The following ZDHHC3 variants were observed in gnomAD, a reference collection of about 807,000 sequenced individuals.
ZDHHC3 encodes the protein palmitoyltransferase ZDHHC3.
A neutral mutation model predicts 30.6 loss-of-function variants in ZDHHC3; 9 were observed. The ratio of observed to expected loss-of-function variants is 0.29; its 90% CI spans 0.18 to 0.51. The LOEUF is 0.51. ZDHHC3 is among the 20% of genes least tolerant of loss of function. ZDHHC3 has a pLI of 0.97. For synonymous variants in ZDHHC3, 136 were observed against 140.2 expected, an observed-to-expected ratio of 0.97 and a Z score of 0.21; for missense variants, 246 against 384.2, an observed-to-expected ratio of 0.64 and a Z score of 3.01.
intron 2 of ZDHHC3, among the ~76,000 whole-genome samples, chr3:44,946,386 C>T (rs1702934253): frequency 6.6e-6 from 1 of 152,154 alleles, no homozygotes; most frequent in African/African-American, 2.4e-5. Flanking sequence ...AGTGCACAGG[C>T]CTAAGTAGGG....
chr3:44,929,018 G>A (rs1253965938), intron 6 of ZDHHC3, among the ~76,000 whole-genome samples: 1 of 152,198 alleles, frequency 6.6e-6, no homozygotes, highest in South Asian at 2.1e-4. Context: ...CAGTATAAAG[G>A]AAGACCTGCC....
chr3:44,933,854 TG>T (rs775444291), intron 4 of ZDHHC3, 33 bp downstream of exon 4: 1 of 1,591,784 alleles, frequency 6.3e-7, no homozygotes, highest in Non-Finnish European at 8.6e-7. Flanking sequence ...CATTGCTTCA[TG>T]GGGGGCAGGG....
Position 44,916,437 on chromosome 3 carries a change from C to G in ZDHHC3, c.*10252G>C, listed in dbSNP as rs972457813. The G allele has an allele frequency of 1.1e-4, 17 of 152,254 alleles. No individual in the cohort carries two copies. The highest frequency in any genetic ancestry group is 3.9e-4 in the African/African-American group (16 of 41,446). 9.4% of individuals were successfully genotyped at this position (152,254 alleles called of 1,614,324 possible). On this transcript the variant is annotated 3_prime_UTR_variant, in exon 7 of 7. Transcript: ENST00000424952. ...TGAGGCTGCACCTCCAAACACTGAC[C>G]TTCTTCTCCTCTGAACTGCAGCCAC...
At chr3:44,961,622 C>T (rs901677853) in intron 1 of ZDHHC3, among the ~76,000 whole-genome samples, 2 of 152,076 alleles carry the variant, frequency 1.3e-5, no homozygotes, top group African/African-American at 4.8e-5. Flanking sequence ...GACCTGTGCC[C>T]AGCAAATTCT....
Position 44,920,499 on chromosome 3 carries a change from A to G in ZDHHC3, c.*6190T>C. The G allele has an allele frequency of 1.0e-6, 1 of 985,426 alleles. No homozygotes were observed. Among genetic ancestry groups the G allele is most frequent in the Non-Finnish European group, 1.2e-6 (1 of 829,922 alleles). The allele number at this position is 985,426 out of a possible 1,614,324, so 61.0% of individuals were successfully genotyped here. On this transcript the variant is annotated 3_prime_UTR_variant, in exon 7 of 7. Transcript: ENST00000424952. ...AGGTTTTTATGGCCTCCTTGTGAGG[A>G]GGTGGGTATGAGTATTGATGATTGG...
intron 2 of ZDHHC3, among the ~76,000 whole-genome samples, chr3:44,946,691 A>C (rs961280154): frequency 6.6e-6 from 1 of 152,058 alleles, no homozygotes; most frequent in Non-Finnish European, 1.5e-5. Flanking sequence ...CCTGTGGGAG[A>C]AAAGGGATTC....
Position 44,967,523 on chromosome 3 carries a change from A to AT in ZDHHC3, c.-24-8064dup, listed in dbSNP as rs542752179. ...ACATAGTGAGACCTTGTTTCTATAA[A>AT]TTTTTTTTAATTGGGGGAAAAAAAA... On this transcript the variant is annotated intron_variant, in intron 1 of 6. Transcript: ENST00000424952. Among the ~76,000 whole-genome samples, 33 of 151,394 alleles carry AT rather than the reference A, an allele frequency of 2.2e-4. 1 individual carries two copies. The highest frequency in any genetic ancestry group is 1.8e-3 in the Admixed American group (28 of 15,192).
chr3:44,937,549 GTTTTTTT>G (rs58591881), intron 3 of ZDHHC3: 10 of 103,624 alleles, frequency 9.7e-5, no homozygotes, highest in African/African-American at 1.9e-4. Context: ...CTAAAAATAA[GTTTTTTT>G]TTTTTTTTTT....
chr3:44,971,966 T>C (rs1705442151), intron 1 of ZDHHC3, among the ~76,000 whole-genome samples: 1 of 152,110 alleles, frequency 6.6e-6, no homozygotes, highest in Non-Finnish European at 1.5e-5. Context: ...GCTTAAGGGA[T>C]CCTCCCACCT....
rs1318712745 is a variant in ZDHHC3 at position 44,924,409 on chromosome 3, C to T, written c.*2280G>A. The T allele has an allele frequency of 3.0e-6, 3 of 985,314 alleles. No individual in the cohort carries two copies. Among genetic ancestry groups the T allele is most frequent in the African/African-American group, 3.5e-5 (2 of 57,236 alleles). 61.0% of individuals were successfully genotyped at this position (985,314 alleles called of 1,614,324 possible). A position where few individuals can be genotyped will look rare whatever the true frequency, so the allele number is the denominator to read the frequency against. On this transcript the variant is annotated 3_prime_UTR_variant, in exon 7 of 7. Coordinates refer to ENST00000424952, the MANE Select transcript of ZDHHC3 (RefSeq NM_001135179.2). Reference sequence around the variant, plus strand: ...GGGTATTCCTATCTTCTGAGAGCAACTGGTTTGAGAGCTCAGAAACATTGA... The same window carrying T: ...GGGTATTCCTATCTTCTGAGAGCAATTGGTTTGAGAGCTCAGAAACATTGA...
At chr3:44,932,546 C>A (rs1701584271) in intron 5 of ZDHHC3, among the ~76,000 whole-genome samples, 1 of 152,160 alleles carries the variant, frequency 6.6e-6, no homozygotes, top group Non-Finnish European at 1.5e-5. Flanking sequence ...AATCTTCTGG[C>A]TGGAGTTTCT....
rs1329075417 is a variant in ZDHHC3, at chr3:44,921,337, C to A, written c.*5352G>T. The A allele has an allele frequency of 5.1e-6, 5 of 983,698 alleles. No homozygotes were observed. Among genetic ancestry groups the A allele is most frequent in the Non-Finnish European group, 4.8e-6 (4 of 829,618 alleles). The allele number at this position is 983,698 out of a possible 1,614,324, so 60.9% of individuals were successfully genotyped here. On this transcript the variant is annotated 3_prime_UTR_variant, in exon 7 of 7. Transcript: ENST00000424952. ...TGTAGAAAGCCAGAGCCTCAGGGAG[C>A]AGCCTATGCAAATGTGTCTCTTCAT...
In ZDHHC3 at chr3:44,920,930, T is replaced by G. The variant is rs1700546821; in HGVS notation, c.*5759A>C. The G allele has an allele frequency of 1.0e-6, 1 of 985,454 alleles. No homozygotes were observed. The highest frequency in any genetic ancestry group is 1.7e-5 in the African/African-American group (1 of 57,372). The allele number at this position is 985,454 out of a possible 1,614,324, so 61.0% of individuals were successfully genotyped here. A position where few individuals can be genotyped will look rare whatever the true frequency, so the allele number is the denominator to read the frequency against. The stretch of plus-strand genomic sequence containing the variant: ...ACAAATCCGATGTATAAAAATGGGC[T>G]GAGGGCTGCTTTTTCCTGGTAGGAC... On this transcript the variant is annotated 3_prime_UTR_variant, in exon 7 of 7. Coordinates refer to ENST00000424952, the MANE Select transcript of ZDHHC3 (RefSeq NM_001135179.2).
intron 1 of ZDHHC3, among the ~76,000 whole-genome samples, chr3:44,964,397 A>G (rs1394441664): frequency 6.6e-6 from 1 of 152,152 alleles, no homozygotes; most frequent in Non-Finnish European, 1.5e-5. Context: ...TGGTGGTACT[A>G]GTGGGGAAGA....
rs1478366365 is a variant in ZDHHC3, at chr3:44,933,991, C to T, written c.432-7G>A. The T allele has an allele frequency of 1.9e-6, 3 of 1,614,016 alleles. No individual in the cohort carries two copies. Among genetic ancestry groups the T allele is most frequent in the Non-Finnish European group, 2.5e-6 (3 of 1,180,002 alleles). ...AATGCACCGCTTACAAACACTGAAA[C>T]AGCCCACAGGTCAGACCTTTAGGGC... On this transcript the variant is annotated splice_polypyrimidine_tract_variant and splice_region_variant and intron_variant, in intron 3 of 6. Coordinates refer to ENST00000424952, the MANE Select transcript of ZDHHC3 (RefSeq NM_001135179.2).
At position 44,926,511 on chromosome 3, in the gene ZDHHC3, A is replaced by G; in HGVS notation, c.*178T>C. On this transcript the variant is annotated 3_prime_UTR_variant, in exon 7 of 7. Transcript: ENST00000424952. ...AGAAATCGAAAGGATGGTTTTTAAA[A>G]AATAAAATGTGGGGACTTTTTTTTT... 7.8e-7 allele frequency: 1 copy of G among 1,282,470 alleles called. No individual in the cohort carries two copies. The highest frequency in any genetic ancestry group is 9.8e-7 in the Non-Finnish European group (1 of 1,015,556). The allele number at this position is 1,282,470 out of a possible 1,614,324, so 79.4% of individuals were successfully genotyped here.
At chr3:44,958,275 A>T (rs1559709214) in intron 2 of ZDHHC3, among the ~76,000 whole-genome samples, 1 of 152,122 alleles carries the variant, frequency 6.6e-6, no homozygotes, top group East Asian at 1.9e-4. Context: ...TTGAGACAAG[A>T]ACTAGCTCAG....
intron 1 of ZDHHC3, among the ~76,000 whole-genome samples, 155 bp downstream of exon 1, chr3:44,975,766 TCTCTCTCACACA>T (rs1489735714): frequency 6.9e-6 from 1 of 144,346 alleles, no homozygotes; most frequent in African/African-American, 2.8e-5. Context: ...TCTCTCTCTC[TCTCTCTCACACA>T]CACACACACA....
At position 44,926,841 on chromosome 3, in the gene ZDHHC3, C is replaced by A; in HGVS notation, c.748G>T (p.Glu250Ter). ...HSICTDETGI[E>*]QLKKEERRWA... is the part of the protein sequence containing the mutation. The stretch of plus-strand genomic sequence containing the variant: ...CTTCTCTCTTCCTTTTTCAATTGTT[C>A]TATTCCCTGAAAACAAGAACAATCA... The change falls in exon 7 of 7, where the codon GAA (glutamate) becomes TAA (stop). Residue 250 changes from glutamate to a stop codon, truncating the protein, a stop_gained. Transcript: ENST00000424952. LOFTEE classifies it high-confidence loss of function. 1 of 1,604,478 alleles carries A rather than the reference C, an allele frequency of 6.2e-7. No individual in the cohort carries two copies.
Sources: allele counts gnomAD v4.1 joint callset (sites outside exome capture counted in the v4.1 genomes callset), GRCh38; gene constraint gnomAD v4.1.1; transcripts MANE v1.5; gene names NCBI Gene and HGNC (gene_info 2026-07-23, HGNC 2026-07-21).